The following PARD3B variants were observed in gnomAD, a reference collection of about 807,000 sequenced individuals.
PARD3B encodes the protein par-3 family cell polarity regulator beta, also known as partitioning defective 3 homolog B.
In PARD3B, 103 loss-of-function variants were observed where a neutral mutation model predicts 130.2. The observed-to-expected ratio is 0.79, with a 90% confidence interval of 0.67 to 0.93. PARD3B has a LOEUF of 0.93. PARD3B is among the 40% of genes least tolerant of loss of function. PARD3B has a pLI of 0.00. For missense variants in PARD3B, 1,609 were observed against 1,499.2 expected (o/e 1.07, Z -1.21); for synonymous variants, 583 against 553.2 (o/e 1.05, Z -0.76).
intron 8 of PARD3B, among the ~76,000 whole-genome samples, chr2:205,123,019 A>C (rs1030143214): frequency 6.6e-6 from 1 of 152,240 alleles, no homozygotes; most frequent in Non-Finnish European, 1.5e-5. Context: ...CAGACACAGA[A>C]TCACCTTAAA....
intron 15 of PARD3B, among the ~76,000 whole-genome samples, chr2:205,233,448 G>A (rs1296644130): frequency 6.6e-6 from 1 of 152,018 alleles, no homozygotes; most frequent in Non-Finnish European, 1.5e-5. Flanking sequence ...TAATTACTTG[G>A]ATGAATGTGT....
intron 2 of PARD3B, among the ~76,000 whole-genome samples, chr2:204,813,874 T>C (rs537608973): frequency 6.6e-6 from 1 of 152,256 alleles, no homozygotes; most frequent in Non-Finnish European, 1.5e-5. Context: ...TATCTCTTTA[T>C]AATATTGTAA....
At chr2:205,448,116 G>A (rs979296842) in intron 20 of PARD3B, among the ~76,000 whole-genome samples, 6 of 152,182 alleles carry the variant, frequency 3.9e-5, no homozygotes, top group African/African-American at 1.4e-4. Context: ...CATTTCTTCG[G>A]CATAAACTCC....
intron 15 of PARD3B, among the ~76,000 whole-genome samples, chr2:205,204,889 C>G (rs1003023232): frequency 1.3e-5 from 2 of 151,946 alleles, no homozygotes; most frequent in African/African-American, 2.4e-5. Context: ...GCATGATGCC[C>G]CCAGCTTTGT....
At chr2:205,452,874 TGG>T (rs1256822033) in intron 20 of PARD3B, among the ~76,000 whole-genome samples, 2 of 152,134 alleles carry the variant, frequency 1.3e-5, no homozygotes, top group Non-Finnish European at 2.9e-5. Context: ...CCTCAACCAC[TGG>T]GGGTAAATGG....
At chr2:205,303,776 G>A (rs1308216387) in intron 18 of PARD3B, among the ~76,000 whole-genome samples, 7 of 152,302 alleles carry the variant, frequency 4.6e-5, no homozygotes, top group Non-Finnish European at 2.9e-5. Context: ...AAACAGGTAG[G>A]AAGTGGGGTG....
intron 22 of PARD3B, among the ~76,000 whole-genome samples, chr2:205,608,488 G>A (rs1056941513): frequency 1.3e-5 from 2 of 152,140 alleles, no homozygotes; most frequent in East Asian, 1.9e-4. Flanking sequence ...TGCAGGTATC[G>A]TTCAAATGGA....
chr2:204,858,613 TA>T (rs1166350642), intron 2 of PARD3B, among the ~76,000 whole-genome samples: 1 of 151,248 alleles, frequency 6.6e-6, no homozygotes, highest in African/African-American at 2.4e-5. Flanking sequence ...TAGGGTACAT[TA>T]ATGATAGTGT....
rs2040633592 is a variant in PARD3B, at chr2:205,269,425, AG to A, written c.2185+23605del. Among the ~76,000 whole-genome samples, 1 of 152,180 alleles carries A rather than the reference AG, an allele frequency of 6.6e-6. No homozygotes were observed. Among genetic ancestry groups the A allele is most frequent in the Non-Finnish European group, 1.5e-5 (1 of 68,016 alleles). ...ATAAAGGAAACAAGGAGGCTTTTTCAGGTAATGTCTTAGGAGTAAGGAGAGA... is the reference window on the plus strand; with the variant it reads ...ATAAAGGAAACAAGGAGGCTTTTTCAGTAATGTCTTAGGAGTAAGGAGAGA... On this transcript the variant is annotated intron_variant, in intron 16 of 22. Transcript: ENST00000406610. The surrounding 1 kb of genome is among the most constrained non-coding windows in gnomAD (Gnocchi z 4.7).
chr2:205,103,339 A>ATTTATGTAAAATAAATATATT (rs1702950672), intron 4 of PARD3B, among the ~76,000 whole-genome samples: 1 of 143,774 alleles, frequency 7.0e-6, no homozygotes, highest in African/African-American at 2.5e-5. Context: ...ACATATTTTT[A>ATTTATGTAAAATAAATATATT]TTTATGTAAA....
rs1703059296 is a variant in PARD3B at position 205,104,499 on chromosome 2, C to T, written c.578C>T (p.Thr193Ile). Residue 193 changes from threonine (T) to isoleucine (I), a missense_variant, in exon 5 of 23, where the codon ACT (threonine) becomes ATT (isoleucine). Transcript: ENST00000406610. The stretch of plus-strand genomic sequence containing the variant: ...ACAGAACTACTAACTTCGCCAAGAA[C>T]TAAGGACACATTGAGGTATTCTCTT... ...VQTELLTSPRTKDTLSDMTRT... is the reference protein window; with the variant it reads ...VQTELLTSPRIKDTLSDMTRT... 5 of 1,555,808 alleles carry T rather than the reference C, an allele frequency of 3.2e-6. No homozygotes were observed. Among genetic ancestry groups the T allele is most frequent in the Non-Finnish European group, 4.4e-6 (5 of 1,127,316 alleles).
intron 2 of PARD3B, among the ~76,000 whole-genome samples, chr2:204,897,655 G>A (rs2046690035): frequency 6.6e-6 from 1 of 151,982 alleles, no homozygotes; most frequent in South Asian, 2.1e-4. Flanking sequence ...ATACAGAACA[G>A]TTTTGTCACC....
In PARD3B at chr2:205,241,004, T is replaced by A. The variant is rs10490298; in HGVS notation, c.2141-4774T>A. On this transcript the variant is annotated intron_variant, in intron 15 of 22. Transcript: ENST00000406610. The surrounding 1 kb of genome is among the most constrained non-coding windows in gnomAD (Gnocchi z 4.2). Reference sequence around the variant, plus strand: ...CATAGATTTTTTCCCCTGTATTTTCTTTCTCTCAATTCTAATGATGAACTG... The same window carrying A: ...CATAGATTTTTTCCCCTGTATTTTCATTCTCTCAATTCTAATGATGAACTG... Among the ~76,000 whole-genome samples, 16,743 of 152,198 alleles carry A rather than the reference T, an allele frequency of 0.11. 1,020 individuals carry two copies. Among genetic ancestry groups the A allele is most frequent in the African/African-American group, 0.17 (6,943 of 41,532 alleles).
intron 11 of PARD3B, among the ~76,000 whole-genome samples, chr2:205,162,806 T>G (rs2034581536): frequency 6.6e-6 from 1 of 152,208 alleles, no homozygotes. Flanking sequence ...TTGCGTTTTA[T>G]TTTGTCCAGG....
At chr2:205,178,733 A>C (rs983434741) in intron 13 of PARD3B, among the ~76,000 whole-genome samples, 16 of 152,222 alleles carry the variant, frequency 1.1e-4, no homozygotes, top group African/African-American at 3.6e-4. Context: ...ATGAACACTA[A>C]GTACCTTTTG....
intron 10 of PARD3B, among the ~76,000 whole-genome samples, chr2:205,127,372 T>C (rs1005663659): frequency 6.7e-6 from 1 of 149,000 alleles, no homozygotes. Flanking sequence ...TAGAAACAAA[T>C]GTGATAAAAG....
chr2:204,939,688 G>A (rs1216695099), intron 2 of PARD3B, among the ~76,000 whole-genome samples: 1 of 152,168 alleles, frequency 6.6e-6, no homozygotes, highest in Non-Finnish European at 1.5e-5. Flanking sequence ...ATTCAACAAA[G>A]AGGGGTATTA....
chr2:205,417,240 C>T (rs2046810741), intron 19 of PARD3B, among the ~76,000 whole-genome samples: 1 of 151,990 alleles, frequency 6.6e-6, no homozygotes, highest in African/African-American at 2.4e-5. Flanking sequence ...TCATCCATGT[C>T]CCTGTAAAGG....
chr2:204,918,264 T>G (rs1210663922), intron 2 of PARD3B, among the ~76,000 whole-genome samples: 8 of 152,224 alleles, frequency 5.3e-5, no homozygotes, highest in Admixed American at 5.2e-4. Context: ...TTTTCCACAT[T>G]ATAATGCTTG....
Sources: allele counts gnomAD v4.1 joint callset (sites outside exome capture counted in the v4.1 genomes callset), GRCh38; gene constraint gnomAD v4.1.1; non-coding constraint Gnocchi (gnomAD v3.1); transcripts MANE v1.5; gene names NCBI Gene and HGNC (gene_info 2026-07-23, HGNC 2026-07-21).